Variants in ZNF618 observed in about 807,000 individuals in gnomAD.
ZNF618 encodes the protein neural precursor cell expressed, developmentally down-regulated 10.
In ZNF618, 34 loss-of-function variants were observed where a neutral mutation model predicts 103.0. The ratio of observed to expected loss-of-function variants is 0.33; its 90% CI spans 0.25 to 0.44. The LOEUF is 0.44. ZNF618 is among the 20% of genes least tolerant of loss of function. The pLI is 1.00. For missense variants in ZNF618, 1,059 were observed against 1,295.4 expected, an observed-to-expected ratio of 0.82 and a Z score of 2.80; for synonymous variants, 551 against 542.2, an observed-to-expected ratio of 1.02 and a Z score of -0.23.
chr9:113,901,654 AG>A (rs1830561389), intron 1 of ZNF618, among the ~76,000 whole-genome samples: 1 of 152,176 alleles, frequency 6.6e-6, no homozygotes, highest in Non-Finnish European at 1.5e-5. Context: ...GCCAGGGGAC[AG>A]GGTTATCACG....
rs1278214432 is a variant in ZNF618 at position 114,056,293 on chromosome 9, A to G, written c.*6126A>G. 1 of 152,232 alleles carries G rather than the reference A, an allele frequency of 6.6e-6. No homozygotes were observed. The highest frequency in any genetic ancestry group is 6.5e-5 in the Admixed American group (1 of 15,290). 9.4% of individuals were successfully genotyped at this position (152,232 alleles called of 1,614,324 possible). A position where few individuals can be genotyped will look rare whatever the true frequency, so the allele number is the denominator to read the frequency against. On this transcript the variant is annotated 3_prime_UTR_variant, in exon 15 of 15. Transcript: ENST00000374126. ...GAAAGGAACAGAAAAAAAGATTTTT[A>G]CAAAGTAATAAAATTTAAAACTGAG...
At chr9:114,015,889 G>GGATATT (rs1406375219) in intron 9 of ZNF618, among the ~76,000 whole-genome samples, 3 of 152,286 alleles carry the variant, frequency 2.0e-5, no homozygotes, top group African/African-American at 7.2e-5. Context: ...ATTACAAAGA[G>GGATATT]GATATTGATC....
chr9:113,988,705 T>TGAATGCAGAGGGAAGC, intron 3 of ZNF618, 125 bp downstream of exon 3: 1 of 1,372,054 alleles, frequency 7.3e-7, no homozygotes, highest in Non-Finnish European at 9.7e-7. Context: ...CTGGCTTCCC[T>TGAATGCAGAGGGAAGC]CTGCATTCAG....
chr9:113,888,051 T>A (rs1037788681), intron 1 of ZNF618, among the ~76,000 whole-genome samples: 19 of 152,130 alleles, frequency 1.2e-4, no homozygotes, highest in African/African-American at 3.9e-4. Flanking sequence ...GTTTTTTTTT[T>A]AAATATGAGA....
intron 3 of ZNF618, among the ~76,000 whole-genome samples, chr9:113,997,138 TACTC>T (rs1840696589): frequency 1.3e-5 from 2 of 152,068 alleles, no homozygotes; most frequent in African/African-American, 4.8e-5. Flanking sequence ...GATAGGGTCT[TACTC>T]TGTTGCCCAG....
rs1256133147 is a variant in ZNF618, at chr9:114,049,243, G to A, written c.1941G>A (p.Val647=). Residue 647 remains valine (V), a synonymous_variant, in exon 15 of 15, where the codon GTG becomes GTA. Transcript: ENST00000374126. ...ACALNSVVQS[V]LSKRTLQARS... ...CCTTGAACTCGGTGGTGCAGAGCGT[G>A]CTGAGCAAGCGGACACTGCAGGCCC... 6.2e-7 allele frequency: 1 copy of A among 1,613,052 alleles called. No individual in the cohort carries two copies. Among genetic ancestry groups the A allele is most frequent in the South Asian group, 1.1e-5 (1 of 91,070 alleles).
At chr9:114,039,069 C>T (rs1844886104) in intron 13 of ZNF618, among the ~76,000 whole-genome samples, 1 of 152,154 alleles carries the variant, frequency 6.6e-6, no homozygotes, top group Non-Finnish European at 1.5e-5. Context: ...CTGTGGCAGG[C>T]TATAGATAGG....
intron 1 of ZNF618, among the ~76,000 whole-genome samples, chr9:113,905,515 A>G (rs1830912143): frequency 1.3e-5 from 2 of 152,248 alleles, no homozygotes; most frequent in South Asian, 4.1e-4. Flanking sequence ...CCATTCCACA[A>G]CAATCCATAA....
chr9:114,021,473 T>TA (rs1220881729), intron 10 of ZNF618, among the ~76,000 whole-genome samples: 1 of 152,104 alleles, frequency 6.6e-6, no homozygotes, highest in African/African-American at 2.4e-5. Context: ...GGCAGGGAAA[T>TA]ACAGTCCTAG....
At chr9:113,956,683 G>T (rs1249899401) in intron 1 of ZNF618, among the ~76,000 whole-genome samples, 1 of 152,166 alleles carries the variant, frequency 6.6e-6, no homozygotes, top group Non-Finnish European at 1.5e-5. Context: ...CCTTCTTGGT[G>T]CTCTAGGATG....
chr9:113,883,370 T>A (rs1378024383), intron 1 of ZNF618, among the ~76,000 whole-genome samples: 1 of 152,186 alleles, frequency 6.6e-6, no homozygotes, highest in Non-Finnish European at 1.5e-5. Flanking sequence ...AGTATTTCTT[T>A]AAAGTGGATG....
Position 114,050,914 on chromosome 9 carries a change from T to C in ZNF618, c.*747T>C, listed in dbSNP as rs1846093315. On this transcript the variant is annotated 3_prime_UTR_variant, in exon 15 of 15. Transcript: ENST00000374126. ...CTTGGGTGTCCCGGGGCAGCCGCCT[T>C]AGAAACACACCTATCTATCTCCCCA... The C allele has an allele frequency of 6.5e-6, 1 of 152,684 alleles. No individual in the cohort carries two copies. Among genetic ancestry groups the C allele is most frequent in the South Asian group, 2.1e-4 (1 of 4,834 alleles). 9.5% of individuals were successfully genotyped at this position (152,684 alleles called of 1,614,324 possible).
intron 1 of ZNF618, among the ~76,000 whole-genome samples, chr9:113,883,902 G>A (rs1356758426): frequency 7.1e-6 from 1 of 141,102 alleles, no homozygotes; most frequent in African/African-American, 2.6e-5. Flanking sequence ...TTGGGATTGA[G>A]TGTTGTTGTC....
chr9:113,993,203 A>C (rs1386291608), intron 3 of ZNF618, among the ~76,000 whole-genome samples: 1 of 151,958 alleles, frequency 6.6e-6, no homozygotes, highest in African/African-American at 2.4e-5. Flanking sequence ...GAGCAAACAC[A>C]AGGCACTACC....
chr9:113,964,281 G>A (rs1373394429), intron 1 of ZNF618, among the ~76,000 whole-genome samples: 1 of 152,156 alleles, frequency 6.6e-6, no homozygotes, highest in Admixed American at 6.5e-5. Flanking sequence ...TCGAGATCAG[G>A]CAGCCAGGAC....
intron 1 of ZNF618, among the ~76,000 whole-genome samples, chr9:113,937,110 A>G (rs1048474474): frequency 1.3e-5 from 2 of 152,178 alleles, no homozygotes; most frequent in African/African-American, 4.8e-5. Flanking sequence ...GAGATCTTAG[A>G]ATTTACATTT....
Position 114,048,648 on chromosome 9 carries a change from C to T in ZNF618, c.1349-3C>T. 2.5e-6 allele frequency: 4 copies of T among 1,605,288 alleles called. No individual in the cohort carries two copies. The highest frequency in any genetic ancestry group is 2.7e-5 in the African/African-American group (2 of 74,912). ...TCCCATCTGTCTTTGTGTCCTCTGCCAGCCACTACCAGTGGTTTAACACCC... is the reference window on the plus strand; with the variant it reads ...TCCCATCTGTCTTTGTGTCCTCTGCTAGCCACTACCAGTGGTTTAACACCC... On this transcript the variant is annotated splice_polypyrimidine_tract_variant and splice_region_variant and intron_variant, in intron 14 of 14. Coordinates refer to ENST00000374126, the MANE Select transcript of ZNF618 (RefSeq NM_001318042.2).
intron 3 of ZNF618, among the ~76,000 whole-genome samples, chr9:113,989,335 A>T (rs140231194): frequency 1.2e-4 from 18 of 152,318 alleles, no homozygotes; most frequent in African/African-American, 3.8e-4. Flanking sequence ...CAGCGTTGCC[A>T]CATCTCTGGA....
Position 114,002,010 on chromosome 9 carries a change from G to A in ZNF618, c.448G>A (p.Gly150Arg), listed in dbSNP as rs754493189. ...LRYASGSYECGICGKKYKYYN... is the reference protein window; with the variant it reads ...LRYASGSYECRICGKKYKYYN... ...CTGTTTTCCAGGGTCTTACGAATGC[G>A]GAATCTGTGGCAAGAAGTACAAGTA... The change falls in exon 5 of 15, where the codon GGA becomes AGA. Residue 150 changes from glycine (G) to arginine (R), a missense_variant. By Grantham distance (125) the Gly-to-Arg change is moderately radical (BLOSUM62 -2). This residue lies in a region of ZNF618 where 194 missense variants were observed against 209.0 expected (regional missense o/e 0.93). Transcript: ENST00000374126. 2.5e-6 allele frequency: 4 copies of A among 1,613,926 alleles called. No homozygotes were observed. Among genetic ancestry groups the A allele is most frequent in the South Asian group, 1.1e-5 (1 of 91,078 alleles).
Sources: gnomAD v4.1 joint callset for allele counts (sites outside exome capture counted in the v4.1 genomes callset) on GRCh38, gnomAD v4.1.1 for gene constraint, gnomAD v4.1.1 regional missense constraint, MANE v1.5 for transcripts, NCBI Gene and HGNC (gene_info 2026-07-23, HGNC 2026-07-21) for gene names.